Variants in LSAMP observed in about 807,000 individuals in gnomAD.
LSAMP encodes limbic system-associated membrane protein.
A neutral mutation model predicts 38.6 loss-of-function variants in LSAMP; 7 were observed. That is an observed-to-expected ratio of 0.18 (90% CI 0.10 to 0.34). The LOEUF is 0.34. LSAMP is among the 10% of genes least tolerant of loss of function. The pLI, the probability that LSAMP is intolerant of heterozygous loss-of-function variation, is 1.00. For missense variants in LSAMP, 313 were observed against 420.0 expected, an observed-to-expected ratio of 0.75 and a Z score of 2.23; for synonymous variants, 154 against 166.8, an observed-to-expected ratio of 0.92 and a Z score of 0.59.
intron 1 of LSAMP, among the ~76,000 whole-genome samples, chr3:116,237,645 C>T (rs1485965114): frequency 2.1e-5 from 3 of 140,984 alleles, no homozygotes; most frequent in Admixed American, 1.5e-4. Context: ...CTTGAGTCCT[C>T]GCCATAAACC....
intron 3 of LSAMP, among the ~76,000 whole-genome samples, chr3:115,872,964 A>G (rs902568046): frequency 2.6e-5 from 4 of 152,194 alleles, no homozygotes; most frequent in African/African-American, 9.7e-5. Flanking sequence ...CATATATGAT[A>G]CATACATACA....
intron 3 of LSAMP, among the ~76,000 whole-genome samples, chr3:115,962,977 A>G (rs1397846095): frequency 1.3e-5 from 2 of 152,212 alleles, no homozygotes; most frequent in Non-Finnish European, 2.9e-5. Flanking sequence ...TTTGCAATAA[A>G]TTATGAGTAA....
At chr3:116,137,315 A>T (rs747043590) in intron 1 of LSAMP, among the ~76,000 whole-genome samples, 34 of 152,062 alleles carry the variant, frequency 2.2e-4, no homozygotes, top group Non-Finnish European at 4.9e-4. Flanking sequence ...CCAGGTGGAC[A>T]TCTTTGCAAG....
intron 2 of LSAMP, among the ~76,000 whole-genome samples, chr3:116,082,850 C>T (rs909560068): frequency 1.3e-5 from 2 of 151,916 alleles, no homozygotes; most frequent in African/African-American, 4.8e-5. Context: ...AACTTATGAA[C>T]ACAAAGAAGG....
chr3:116,071,109 A>AT (rs1707595300), intron 2 of LSAMP, among the ~76,000 whole-genome samples: 1 of 150,236 alleles, frequency 6.7e-6, no homozygotes, highest in Non-Finnish European at 1.5e-5. Flanking sequence ...ATGTACCTAC[A>AT]TGAGGTGTAA....
chr3:116,351,567 G>GT (rs35810747), intron 1 of LSAMP, among the ~76,000 whole-genome samples: 42,883 of 151,836 alleles, frequency 0.28, 7,746 homozygotes, highest in African/African-American at 0.52. Context: ...ACTCAATACA[G>GT]TAAGAGCTCA....
At chr3:116,385,473 T>A (rs1302404710) in intron 1 of LSAMP, among the ~76,000 whole-genome samples, 1 of 152,140 alleles carries the variant, frequency 6.6e-6, no homozygotes, top group Non-Finnish European at 1.5e-5. Flanking sequence ...AACAGTAAAT[T>A]GTAACTTCAC....
At chr3:116,150,151 A>G (rs1329516509) in intron 1 of LSAMP, among the ~76,000 whole-genome samples, 1 of 152,210 alleles carries the variant, frequency 6.6e-6, no homozygotes, top group African/African-American at 2.4e-5. Flanking sequence ...CATGAATGTT[A>G]GAATTTAATA....
intron 3 of LSAMP, among the ~76,000 whole-genome samples, chr3:115,924,758 G>T (rs1053460055): frequency 3.3e-5 from 5 of 152,148 alleles, no homozygotes; most frequent in Admixed American, 1.3e-4. Flanking sequence ...AATAAATGTC[G>T]GGTCAAATTG....
intron 3 of LSAMP, among the ~76,000 whole-genome samples, chr3:115,937,492 A>T (rs1937743454): frequency 6.6e-6 from 1 of 151,266 alleles, no homozygotes; most frequent in African/African-American, 2.4e-5. Context: ...AATCAAAAAA[A>T]TAGCCAAACA....
chr3:116,177,555 C>T (rs1710377784), intron 1 of LSAMP, among the ~76,000 whole-genome samples: 2 of 151,770 alleles, frequency 1.3e-5, no homozygotes, highest in Admixed American at 1.3e-4. Context: ...TGTGAATAAA[C>T]CAAAAGAGTG....
intron 3 of LSAMP, among the ~76,000 whole-genome samples, chr3:115,944,272 A>G (rs942293741): frequency 1.3e-5 from 2 of 152,164 alleles, no homozygotes; most frequent in Non-Finnish European, 2.9e-5. Context: ...AAGTAAGAAC[A>G]TATCGACCCT....
chr3:116,415,471 G>T (rs867304192), intron 1 of LSAMP, among the ~76,000 whole-genome samples: 2 of 152,234 alleles, frequency 1.3e-5, no homozygotes, highest in South Asian at 2.1e-4. Flanking sequence ...CCACTGGGCT[G>T]AGAACAAGAA....
At chr3:116,134,045 A>G (rs1328952359) in intron 1 of LSAMP, among the ~76,000 whole-genome samples, 6 of 152,198 alleles carry the variant, frequency 3.9e-5, no homozygotes, top group African/African-American at 1.4e-4. Flanking sequence ...CTAGAATATG[A>G]TCTGAACAGG....
intron 3 of LSAMP, among the ~76,000 whole-genome samples, chr3:115,988,340 T>C (rs1411121269): frequency 6.6e-6 from 1 of 152,132 alleles, no homozygotes; most frequent in African/African-American, 2.4e-5. Flanking sequence ...CAAGCATGCC[T>C]AAAAGAGTAG....
chr3:116,431,287 C>G (rs2049278422), intron 1 of LSAMP, among the ~76,000 whole-genome samples: 2 of 152,024 alleles, frequency 1.3e-5, no homozygotes, highest in African/African-American at 4.8e-5. Context: ...TACAGATACT[C>G]AAAGTAAATG....
intron 3 of LSAMP, among the ~76,000 whole-genome samples, chr3:115,994,915 C>G (rs1340090564): frequency 6.6e-6 from 1 of 151,952 alleles, no homozygotes; most frequent in Non-Finnish European, 1.5e-5. Flanking sequence ...TTTTCCTCAT[C>G]CTTTTCTGAA....
chr3:115,936,169 T>C (rs1482394113), intron 3 of LSAMP, among the ~76,000 whole-genome samples: 2 of 152,246 alleles, frequency 1.3e-5, no homozygotes, highest in Admixed American at 1.3e-4. Flanking sequence ...AGTGTTTTCC[T>C]ACTTAAAGTA....
intron 1 of LSAMP, among the ~76,000 whole-genome samples, chr3:116,237,011 A>T (rs562332582): frequency 2.4e-4 from 37 of 152,044 alleles, no homozygotes; most frequent in African/African-American, 8.9e-4. Context: ...TATATTAGAC[A>T]TAATGTTTGA....
Sources: allele counts gnomAD v4.1 joint callset (sites outside exome capture counted in the v4.1 genomes callset), GRCh38; gene constraint gnomAD v4.1.1; transcripts MANE v1.5; gene names NCBI Gene and HGNC (gene_info 2026-07-23, HGNC 2026-07-21).